The following ZSCAN5A variants were observed in gnomAD, a reference collection of about 807,000 sequenced individuals.
The protein encoded by ZSCAN5A is zinc finger and SCAN domain-containing protein 5A.
Under a neutral mutation model 23.7 loss-of-function variants are expected in ZSCAN5A, and 12 were observed. The ratio of observed to expected loss-of-function variants is 0.51; its 90% CI spans 0.32 to 0.82. The LOEUF (loss-of-function observed/expected upper bound fraction) is 0.82. ZSCAN5A is among the 40% of genes least tolerant of loss of function. The pLI, the probability that ZSCAN5A is intolerant of heterozygous loss-of-function variation, is 0.03. For missense variants in ZSCAN5A, 597 were observed against 617.9 expected (o/e 0.97, Z 0.36); for synonymous variants, 257 against 239.9 (o/e 1.07, Z -0.66).
chr19:56,355,757 G>C (rs2147464289), intron 2 of ZSCAN5A, among the ~76,000 whole-genome samples: 1 of 148,836 alleles, frequency 6.7e-6, no homozygotes, highest in Admixed American at 6.6e-5. Flanking sequence ...ATTTGTTCCT[G>C]ATTATTTATT....
intron 2 of ZSCAN5A, among the ~76,000 whole-genome samples, chr19:56,230,173 G>A (rs955234026): frequency 6.6e-6 from 1 of 152,088 alleles, no homozygotes; most frequent in Admixed American, 6.5e-5. Flanking sequence ...TGCAACCTCT[G>A]CCTCTTGGGT....
chr19:56,259,269 A>G (rs1451341599), intron 2 of ZSCAN5A, among the ~76,000 whole-genome samples: 2 of 152,042 alleles, frequency 1.3e-5, no homozygotes, highest in Non-Finnish European at 2.9e-5. Flanking sequence ...GGTCTGAGCA[A>G]CATGGTAGAA....
Position 56,271,983 on chromosome 19 carries a change from A to C in ZSCAN5A, c.-128+41300T>G, listed in dbSNP as rs556266701. On this transcript the variant is annotated intron_variant, in intron 2 of 5. Coordinates refer to ENST00000683990, the MANE Select transcript of ZSCAN5A (RefSeq NM_001322064.3). ...AAAAATTATTACAAACTTAATGGCT[A>C]CAACAGTACAAATTTACTATCATAC... Among the ~76,000 whole-genome samples the C allele has an allele frequency of 2.0e-5, 3 of 152,326 alleles. No individual in the cohort carries two copies. The South Asian group carries it at 6.2e-4, about 32-fold the overall frequency.
At chr19:56,363,653 C>T (rs894147192) in intron 1 of ZSCAN5A, among the ~76,000 whole-genome samples, 3 of 152,212 alleles carry the variant, frequency 2.0e-5, no homozygotes, top group Admixed American at 6.5e-5. Flanking sequence ...CTGGAACAAA[C>T]GTGACATGTG....
chr19:56,304,793 T>C, intron 2 of ZSCAN5A: 2 of 985,358 alleles, frequency 2.0e-6, no homozygotes, highest in South Asian at 9.4e-5. Flanking sequence ...TCCTCCCAAG[T>C]GTTACTGCCA....
intron 1 of ZSCAN5A, among the ~76,000 whole-genome samples, chr19:56,364,467 G>T (rs1297793387): frequency 6.6e-6 from 1 of 152,180 alleles, no homozygotes; most frequent in East Asian, 1.9e-4. Flanking sequence ...TAAAGTCTTG[G>T]AAAGGATGTG....
intron 2 of ZSCAN5A, among the ~76,000 whole-genome samples, chr19:56,238,997 A>G (rs549728617): frequency 1.5e-4 from 23 of 152,342 alleles, no homozygotes; most frequent in Non-Finnish European, 2.2e-4. Context: ...ACAAGGAAAA[A>G]TATCACAAAG....
At chr19:56,255,384 G>A (rs1159815926) in intron 2 of ZSCAN5A, among the ~76,000 whole-genome samples, 15 of 152,082 alleles carry the variant, frequency 9.9e-5, no homozygotes, top group Non-Finnish European at 2.9e-5. Context: ...GGAAGACTTT[G>A]CCCAGTCAGC....
rs1002494701 is a variant in ZSCAN5A at position 56,222,433 on chromosome 19, A to C, written c.740-107T>G. 2.6e-6 allele frequency: 4 copies of C among 1,561,328 alleles called. No homozygotes were observed. In the African/African-American group the frequency reaches 5.5e-5, roughly 21 times the overall value. On this transcript the variant is annotated intron_variant, in intron 5 of 5. Coordinates refer to ENST00000683990, the MANE Select transcript of ZSCAN5A (RefSeq NM_001322064.3). ...GGCTGACAACTTCCGCTCAAGCTCA[A>C]GCCTAAGACATTGGACTGTAGGTCT...
intron 2 of ZSCAN5A, among the ~76,000 whole-genome samples, chr19:56,325,718 T>C (rs905200365): frequency 6.8e-6 from 1 of 146,300 alleles, no homozygotes; most frequent in African/African-American, 2.7e-5. Context: ...GTGAGGCAGA[T>C]ATACTGGTTA....
At chr19:56,290,076 G>A (rs1318420529) in intron 2 of ZSCAN5A, among the ~76,000 whole-genome samples, 1 of 152,170 alleles carries the variant, frequency 6.6e-6, no homozygotes, top group Non-Finnish European at 1.5e-5. Flanking sequence ...CCCCAAACTG[G>A]CTAATTATCT....
chr19:56,246,479 A>G (rs2035907113), intron 2 of ZSCAN5A: 3 of 630,424 alleles, frequency 4.8e-6, no homozygotes. Flanking sequence ...GAGTATGAAG[A>G]CTTGGATCCA....
intron 2 of ZSCAN5A, among the ~76,000 whole-genome samples, chr19:56,269,214 C>T (rs1230864989): frequency 1.3e-5 from 2 of 152,146 alleles, no homozygotes; most frequent in African/African-American, 4.8e-5. Flanking sequence ...CTATCTTCTA[C>T]AGGGGCTATA....
At chr19:56,359,391 C>T (rs765945638) in intron 2 of ZSCAN5A, among the ~76,000 whole-genome samples, 5 of 152,130 alleles carry the variant, frequency 3.3e-5, no homozygotes, top group African/African-American at 4.8e-5. Flanking sequence ...GAAGTTGAAT[C>T]CCTGAATAGA....
At chr19:56,307,914 T>C (rs1009197953) in intron 2 of ZSCAN5A, among the ~76,000 whole-genome samples, 1 of 152,250 alleles carries the variant, frequency 6.6e-6, no homozygotes, top group African/African-American at 2.4e-5. Flanking sequence ...CTCTGCCCCA[T>C]TGATCAAGTT....
At chr19:56,364,518 T>C (rs540637505) in intron 1 of ZSCAN5A, among the ~76,000 whole-genome samples, 30 of 152,346 alleles carry the variant, frequency 2.0e-4, no homozygotes, top group African/African-American at 6.3e-4. Context: ...GAACATGTTA[T>C]ATGGTACAAC....
chr19:56,281,497 G>A lies in ZSCAN5A; in HGVS notation c.-128+31786C>T, dbSNP rs866007671. On this transcript the variant is annotated intron_variant, in intron 2 of 5. Transcript: ENST00000683990. ...CTGTATTGATCTTTGTCAAATTTAT[G>A]TGACAAACTACATAAAAATAGCGTC... Among the ~76,000 whole-genome samples the A allele has an allele frequency of 3.9e-5, 6 of 152,098 alleles. No individual in the cohort carries two copies. In the South Asian group the frequency reaches 1.0e-3, roughly 26 times the overall value.
chr19:56,230,869 A>G (rs746353764), intron 2 of ZSCAN5A, among the ~76,000 whole-genome samples: 6 of 152,222 alleles, frequency 3.9e-5, no homozygotes, highest in Non-Finnish European at 8.8e-5. Flanking sequence ...CCCTGCAGTC[A>G]GGCAAAATCA....
In ZSCAN5A at chr19:56,252,077, T is replaced by C. The variant is rs139627103; in HGVS notation, c.-127-26904A>G. On this transcript the variant is annotated intron_variant, in intron 2 of 5. Coordinates refer to ENST00000683990, the MANE Select transcript of ZSCAN5A (RefSeq NM_001322064.3). ...TCTGAAGGATACCTAGGGAGGAAGG[T>C]TTCTCAGAGGAATGGGAATCCATTG... Among the ~76,000 whole-genome samples, 846 of 152,250 alleles carry C rather than the reference T, an allele frequency of 5.6e-3. 10 individuals are homozygous for C. The highest frequency in any genetic ancestry group is 0.019 in the African/African-American group (805 of 41,548).
Sources: gnomAD v4.1 joint callset for allele counts (sites outside exome capture counted in the v4.1 genomes callset) on GRCh38, gnomAD v4.1.1 for gene constraint, MANE v1.5 for transcripts, NCBI Gene and HGNC (gene_info 2026-07-23, HGNC 2026-07-21) for gene names.